The following ANKH variants were observed in gnomAD, a reference collection of about 807,000 sequenced individuals.
ANKH encodes mineralization regulator ANKH.
ANKH carries 15 observed loss-of-function variants against 49.0 expected under a neutral mutation model. The observed-to-expected ratio is 0.31, with a 90% CI of 0.20 to 0.47. The LOEUF (loss-of-function observed/expected upper bound fraction) is 0.47, where lower values mean the gene tolerates loss of function less well. ANKH is among the 20% of genes least tolerant of loss of function. The pLI, the probability that ANKH is intolerant of heterozygous loss-of-function variation, is 1.00. For missense variants in ANKH, 429 were observed against 652.0 expected, an observed-to-expected ratio of 0.66 and a Z score of 3.72; for synonymous variants, 273 against 260.0, an observed-to-expected ratio of 1.05 and a Z score of -0.48.
intron 7 of ANKH, among the ~76,000 whole-genome samples, chr5:14,744,038 G>A (rs1249547395): frequency 6.6e-6 from 1 of 151,864 alleles, no homozygotes; most frequent in East Asian, 1.9e-4. Context: ...AGCTAGAACT[G>A]AAATTTAGCA....
chr5:14,730,722 C>T (rs1034902009), intron 8 of ANKH, among the ~76,000 whole-genome samples: 4 of 152,214 alleles, frequency 2.6e-5, no homozygotes, highest in African/African-American at 4.8e-5. Flanking sequence ...CAGCAAGAAG[C>T]GAGCGCCAGG....
At chr5:14,728,407 C>T (rs2126441610) in intron 8 of ANKH, among the ~76,000 whole-genome samples, 1 of 152,326 alleles carries the variant, frequency 6.6e-6, no homozygotes, top group African/African-American at 2.4e-5. Context: ...GTGAGGGGCA[C>T]CAAATGAGAA....
intron 1 of ANKH, among the ~76,000 whole-genome samples, chr5:14,828,548 C>CA (rs1263332376): frequency 6.6e-6 from 1 of 151,966 alleles, no homozygotes; most frequent in African/African-American, 2.4e-5. Flanking sequence ...AACAAACAAA[C>CA]AACAACAAAA....
chr5:14,846,318 TCCTTTAATTTTC>T (rs1418242103), intron 1 of ANKH, among the ~76,000 whole-genome samples: 1 of 152,188 alleles, frequency 6.6e-6, no homozygotes, highest in African/African-American at 2.4e-5. Flanking sequence ...CCCACTGCTT[TCCTTTAATTTTC>T]CGTACAGGCA....
intron 4 of ANKH, among the ~76,000 whole-genome samples, chr5:14,753,428 G>T (rs551323529): frequency 1.8e-4 from 27 of 152,320 alleles, no homozygotes; most frequent in African/African-American, 6.3e-4. Context: ...AGGCTGAGAT[G>T]AAAAGGCAGG....
intron 1 of ANKH, among the ~76,000 whole-genome samples, chr5:14,858,647 C>T (rs950976708): frequency 6.6e-6 from 1 of 151,530 alleles, no homozygotes; most frequent in Non-Finnish European, 1.5e-5. Context: ...ACACAGGAGG[C>T]GGGGGTTGCA....
chr5:14,774,394 C>T (rs1010379637), intron 1 of ANKH, among the ~76,000 whole-genome samples: 16 of 152,028 alleles, frequency 1.1e-4, no homozygotes, highest in African/African-American at 3.6e-4. Context: ...TTGAATAAAC[C>T]ATCTGTTGCC....
chr5:14,861,130 C>T (rs1489338131), intron 1 of ANKH, among the ~76,000 whole-genome samples: 1 of 152,106 alleles, frequency 6.6e-6, no homozygotes, highest in Admixed American at 6.6e-5. Context: ...CTAATGTGGA[C>T]TCACTATAAT....
At chr5:14,717,043 C>T in intron 8 of ANKH, 1 of 582,148 alleles carries the variant, frequency 1.7e-6, no homozygotes, top group Non-Finnish European at 3.1e-6. Context: ...ATGTCTGTAC[C>T]CAGGGGACCC....
intron 11 of ANKH, 61 bp from the exon 12 acceptor site, chr5:14,711,371 A>G (rs1329607688): frequency 9.8e-6 from 14 of 1,431,186 alleles, no homozygotes; most frequent in Non-Finnish European, 1.4e-5. Flanking sequence ...CAGCAGAACC[A>G]CGAGCAGGGA....
intron 2 of ANKH, among the ~76,000 whole-genome samples, chr5:14,767,590 C>CA (rs1405256204): frequency 6.6e-6 from 1 of 152,016 alleles, no homozygotes; most frequent in Non-Finnish European, 1.5e-5. Context: ...TGCAATAACA[C>CA]GGGATGCTTA....
intron 1 of ANKH, among the ~76,000 whole-genome samples, chr5:14,787,627 A>T (rs1384004021): frequency 6.6e-6 from 1 of 152,224 alleles, no homozygotes; most frequent in Non-Finnish European, 1.5e-5. Flanking sequence ...AATGAAAAAA[A>T]ATGAAAGCAA....
intron 1 of ANKH, among the ~76,000 whole-genome samples, chr5:14,787,601 A>T (rs1740020020): frequency 6.6e-6 from 1 of 152,208 alleles, no homozygotes; most frequent in Non-Finnish European, 1.5e-5. Context: ...AGCAGATGCT[A>T]CTTTTATTAA....
chr5:14,712,192 AG>A (rs1459460521), intron 11 of ANKH, among the ~76,000 whole-genome samples: 1 of 152,222 alleles, frequency 6.6e-6, no homozygotes, highest in Admixed American at 6.5e-5. Flanking sequence ...CGCAGGGGAC[AG>A]CCAGTGTCCT....
chr5:14,871,524 CGA>C lies in ANKH; in HGVS notation c.-79_-78del, dbSNP rs1299234154. On this transcript the variant is annotated 5_prime_UTR_variant, in exon 1 of 12. Coordinates refer to ENST00000284268, the MANE Select transcript of ANKH (RefSeq NM_054027.6). ...TGCGGGGAGGCGAGGGGCGACGGGG[CGA>C]CGGGGCGAGCGGGGCGCGGGCCGAC... 1.1e-5 allele frequency: 12 copies of C among 1,121,412 alleles called. No homozygotes were observed. The African/African-American group carries it at 1.9e-4, about 18-fold the overall frequency. The allele number at this position is 1,121,412 out of a possible 1,614,324, so 69.5% of individuals were successfully genotyped here. A position where few individuals can be genotyped will look rare whatever the true frequency, so the allele number is the denominator to read the frequency against.
At chr5:14,716,520 T>A (rs922297763) in intron 9 of ANKH, among the ~76,000 whole-genome samples, 186 bp downstream of exon 9, 1 of 151,248 alleles carries the variant, frequency 6.6e-6, no homozygotes, top group Non-Finnish European at 1.5e-5. Context: ...ATAAATAAAA[T>A]AAAAAGTTAT....
chr5:14,802,889 G>A (rs62355973), intron 1 of ANKH, among the ~76,000 whole-genome samples: 12,939 of 152,162 alleles, frequency 0.085, 682 homozygotes, highest in Admixed American at 0.11. Context: ...GCACAGAGTA[G>A]GTGCTCAATA....
At chr5:14,852,553 T>C (rs550343465) in intron 1 of ANKH, among the ~76,000 whole-genome samples, 33 of 152,342 alleles carry the variant, frequency 2.2e-4, no homozygotes, top group African/African-American at 7.7e-4. Flanking sequence ...CAGGGGTACA[T>C]GTGCTGGTTT....
chr5:14,813,470 T>C lies in ANKH; in HGVS notation c.97-44279A>G, dbSNP rs536491059. Among the ~76,000 whole-genome samples the C allele has an allele frequency of 3.3e-5, 5 of 150,794 alleles. No homozygotes were observed. In the East Asian group the frequency reaches 9.8e-4, roughly 30 times the overall value. The stretch of plus-strand genomic sequence containing the variant: ...AGAGTTATTTTGACCAAAGCATAAA[T>C]ACAGAAGAGTCACAAAAAAAAAAGG... On this transcript the variant is annotated intron_variant, in intron 1 of 11. Coordinates refer to ENST00000284268, the MANE Select transcript of ANKH (RefSeq NM_054027.6).
Sources: allele counts gnomAD v4.1 joint callset (sites outside exome capture counted in the v4.1 genomes callset), GRCh38; gene constraint gnomAD v4.1.1; transcripts MANE v1.5; gene names NCBI Gene and HGNC (gene_info 2026-07-23, HGNC 2026-07-21).